The following AGBL4 variants were observed in gnomAD, a reference collection of about 807,000 sequenced individuals.
AGBL4 encodes cytosolic carboxypeptidase 6.
In AGBL4, 58 loss-of-function variants were observed where a neutral mutation model predicts 66.4. The ratio of observed to expected loss-of-function variants is 0.87; its 90% CI spans 0.71 to 1.09. AGBL4 has a LOEUF of 1.09. AGBL4 is among the 50% of genes least tolerant of loss of function. The pLI, the probability that AGBL4 is intolerant of heterozygous loss-of-function variation, is 0.00. For missense variants in AGBL4, 579 were observed against 631.0 expected, an observed-to-expected ratio of 0.92 and a Z score of 0.88; for synonymous variants, 234 against 222.9, an observed-to-expected ratio of 1.05 and a Z score of -0.44.
At chr1:49,093,460 G>A (rs902644197) in intron 4 of AGBL4, among the ~76,000 whole-genome samples, 1 of 152,074 alleles carries the variant, frequency 6.6e-6, no homozygotes. Context: ...ATAGTAGTAA[G>A]CACATCACAC....
chr1:49,554,866 C>T (rs759030495), intron 3 of AGBL4, among the ~76,000 whole-genome samples: 12 of 151,838 alleles, frequency 7.9e-5, no homozygotes, highest in Non-Finnish European at 1.2e-4. Context: ...CTCTTAAAGG[C>T]GGCGCGTCTG....
chr1:49,010,902 C>T lies in AGBL4; in HGVS notation c.594+34682G>A, dbSNP rs1337119351. Among the ~76,000 whole-genome samples the T allele has an allele frequency of 6.6e-5, 10 of 151,850 alleles. No individual in the cohort carries two copies. In the East Asian group the frequency reaches 7.7e-4, roughly 12 times the overall value. ...ATTCAAGATGGATTAAAGACTTAAA[C>T]GTTAGACCTAAAACCATAAAAACTC... is the stretch of plus-strand genomic sequence containing the variant. On this transcript the variant is annotated intron_variant, in intron 5 of 13. Coordinates refer to ENST00000371839, the MANE Select transcript of AGBL4 (RefSeq NM_032785.4).
At chr1:48,809,701 G>A (rs1202766603) in intron 6 of AGBL4, among the ~76,000 whole-genome samples, 5 of 152,104 alleles carry the variant, frequency 3.3e-5, no homozygotes, top group Admixed American at 3.3e-4. Context: ...CTCCAGGTCT[G>A]GGGAAACATC....
intron 2 of AGBL4, among the ~76,000 whole-genome samples, chr1:49,754,970 T>C (rs1423226486): frequency 6.6e-6 from 1 of 152,194 alleles, no homozygotes; most frequent in Admixed American, 6.5e-5. Context: ...TTTATGATGT[T>C]TAACTATTTG....
At chr1:48,779,292 A>G (rs972945644) in intron 6 of AGBL4, among the ~76,000 whole-genome samples, 10 of 152,184 alleles carry the variant, frequency 6.6e-5, no homozygotes, top group African/African-American at 2.4e-4. Flanking sequence ...TCCCAGACAC[A>G]GTACACTCCA....
intron 5 of AGBL4, among the ~76,000 whole-genome samples, chr1:48,993,442 G>A (rs527295728): frequency 6.6e-6 from 1 of 152,230 alleles, no homozygotes; most frequent in Admixed American, 6.5e-5. Flanking sequence ...TGCTGAAGGG[G>A]TCTGTGTTGG....
intron 6 of AGBL4, among the ~76,000 whole-genome samples, chr1:48,720,962 G>GT (rs11345912): frequency 1.5e-3 from 225 of 145,944 alleles, no homozygotes; most frequent in South Asian, 5.3e-3. Context: ...AGAGAGGATA[G>GT]TTTTTTTTTT....
At chr1:49,720,379 T>G (rs1014895771) in intron 2 of AGBL4, among the ~76,000 whole-genome samples, 5 of 152,108 alleles carry the variant, frequency 3.3e-5, no homozygotes, top group African/African-American at 1.2e-4. Context: ...TCTCAAACAT[T>G]TGAGATAAAA....
At chr1:48,964,506 T>C (rs1292105681) in intron 5 of AGBL4, among the ~76,000 whole-genome samples, 1 of 152,210 alleles carries the variant, frequency 6.6e-6, no homozygotes, top group African/African-American at 2.4e-5. Context: ...TAAAGGGCCC[T>C]TTTTGAATTC....
chr1:49,835,006 T>G (rs1262406598), intron 2 of AGBL4, among the ~76,000 whole-genome samples: 1 of 152,216 alleles, frequency 6.6e-6, no homozygotes, highest in Non-Finnish European at 1.5e-5. Context: ...GTGGTCAATT[T>G]TATAACAAGT....
intron 3 of AGBL4, among the ~76,000 whole-genome samples, chr1:49,395,858 A>AAT (rs144178600): frequency 0.02 from 2,565 of 126,108 alleles, 100 homozygotes; most frequent in African/African-American, 0.071. Flanking sequence ...TACACACATA[A>AAT]ATATATATAT....
At chr1:49,038,253 T>C (rs530909238) in intron 5 of AGBL4, among the ~76,000 whole-genome samples, 1 of 152,206 alleles carries the variant, frequency 6.6e-6, no homozygotes, top group East Asian at 1.9e-4. Flanking sequence ...AGGCTATACA[T>C]ATGCACATAG....
chr1:48,920,186 T>C (rs1289687488), intron 5 of AGBL4, among the ~76,000 whole-genome samples: 2 of 152,164 alleles, frequency 1.3e-5, no homozygotes, highest in African/African-American at 2.4e-5. Flanking sequence ...AGGAAATTCC[T>C]CACTGTGCCA....
At chr1:49,931,805 C>G (rs1653391276) in intron 1 of AGBL4, among the ~76,000 whole-genome samples, 1 of 152,004 alleles carries the variant, frequency 6.6e-6, no homozygotes, top group Admixed American at 6.6e-5. Flanking sequence ...CTAGAAGAGC[C>G]AAAAACAACT....
At chr1:49,380,907 G>A (rs1644590163) in intron 3 of AGBL4, among the ~76,000 whole-genome samples, 1 of 152,098 alleles carries the variant, frequency 6.6e-6, no homozygotes, top group Admixed American at 6.6e-5. Flanking sequence ...AGAAAACCTA[G>A]GCATTACCAT....
intron 3 of AGBL4, among the ~76,000 whole-genome samples, chr1:49,266,930 G>A (rs1643934235): frequency 6.6e-6 from 1 of 152,308 alleles, no homozygotes; most frequent in East Asian, 1.9e-4. Context: ...AGCACCTAAG[G>A]CTGCACTGAA....
At chr1:48,984,498 A>G (rs572343837) in intron 5 of AGBL4, among the ~76,000 whole-genome samples, 2 of 148,792 alleles carry the variant, frequency 1.3e-5, no homozygotes, top group East Asian at 4.2e-4. Context: ...CCATCCGCCT[A>G]TCATATTTCT....
intron 4 of AGBL4, among the ~76,000 whole-genome samples, chr1:49,156,197 T>C (rs1342639672): frequency 6.6e-6 from 1 of 152,190 alleles, no homozygotes; most frequent in Non-Finnish European, 1.5e-5. Flanking sequence ...TATCTTACAT[T>C]TGCATTCATC....
intron 5 of AGBL4, among the ~76,000 whole-genome samples, chr1:48,875,293 CACCTCTCA>C (rs1195126105): frequency 6.6e-6 from 1 of 152,140 alleles, no homozygotes; most frequent in Non-Finnish European, 1.5e-5. Flanking sequence ...CATACCCGAT[CACCTCTCA>C]ACCTCACTGC....
Sources: gnomAD v4.1 joint callset for allele counts (sites outside exome capture counted in the v4.1 genomes callset) on GRCh38, gnomAD v4.1.1 for gene constraint, MANE v1.5 for transcripts, NCBI Gene and HGNC (gene_info 2026-07-23, HGNC 2026-07-21) for gene names.